Variants in AK4 observed in about 807,000 individuals in gnomAD.
AK4 encodes the protein adenylate kinase 4, mitochondrial.
Under a neutral mutation model 24.6 loss-of-function variants are expected in AK4, and 13 were observed. The ratio of observed to expected loss-of-function variants is 0.53; its 90% CI spans 0.34 to 0.84. The LOEUF is 0.84. AK4 is among the 40% of genes least tolerant of loss of function. The probability of loss-of-function intolerance (pLI) is 0.01; values close to 1 mark genes in which losing one functional copy is unlikely to be tolerated. For synonymous variants in AK4, 88 were observed against 107.0 expected (o/e 0.82, Z 1.10); for missense variants, 192 against 288.2 (o/e 0.67, Z 2.42).
chr1:65,176,701 CCT>C (rs1198831735), intron 1 of AK4, among the ~76,000 whole-genome samples: 1 of 152,122 alleles, frequency 6.6e-6, no homozygotes, highest in Non-Finnish European at 1.5e-5. Context: ...GAACGGTCTA[CCT>C]CTCTCTTGCA....
chr1:65,214,186 A>G lies in AK4; in HGVS notation c.266-4568A>G, dbSNP rs1185234434. Among the ~76,000 whole-genome samples, 3 of 152,156 alleles carry G rather than the reference A, an allele frequency of 2.0e-5. 1 individual carries two copies. Among genetic ancestry groups the G allele is most frequent in the South Asian group, 4.1e-4 (2 of 4,830 alleles). On this transcript the variant is annotated intron_variant, in intron 2 of 4. Coordinates refer to ENST00000327299, the MANE Select transcript of AK4 (RefSeq NM_013410.4). ...GAGTGTAGTGGCACGATCTCGGCTC[A>G]CTACAACTTCCACCTCCGGGTTCAA...
chr1:65,183,290 G>A (rs553117341), intron 1 of AK4, among the ~76,000 whole-genome samples: 4 of 151,358 alleles, frequency 2.6e-5, no homozygotes, highest in East Asian at 1.9e-4. Flanking sequence ...TTGCTCTGTC[G>A]CCCAAGCTGG....
intron 1 of AK4, among the ~76,000 whole-genome samples, chr1:65,166,761 T>C (rs1650343548): frequency 6.6e-6 from 1 of 152,182 alleles, no homozygotes; most frequent in Admixed American, 6.5e-5. Flanking sequence ...ACTCAAGCAG[T>C]TCTCCCACTT....
At chr1:65,172,033 C>T (rs1169804752) in intron 1 of AK4, among the ~76,000 whole-genome samples, 1 of 124,522 alleles carries the variant, frequency 8.0e-6, no homozygotes, top group Non-Finnish European at 1.7e-5. Flanking sequence ...TGCACTCCAA[C>T]CTGAGCAACA....
At chr1:65,171,039 C>T (rs1372900017) in intron 1 of AK4, among the ~76,000 whole-genome samples, 2 of 150,114 alleles carry the variant, frequency 1.3e-5, no homozygotes, top group African/African-American at 4.9e-5. Flanking sequence ...CTTACTGCTG[C>T]CTCCACCTGT....
At chr1:65,178,795 G>A (rs945383850) in intron 1 of AK4, among the ~76,000 whole-genome samples, 2 of 152,172 alleles carry the variant, frequency 1.3e-5, no homozygotes, top group Admixed American at 6.5e-5. Context: ...AACCACAGTC[G>A]CACTTGACTC....
At chr1:65,224,622 C>A in intron 3 of AK4, 130 bp from the exon 4 acceptor site, 1 of 687,544 alleles carries the variant, frequency 1.5e-6, no homozygotes, top group Non-Finnish European at 2.6e-6. Context: ...AAAATTACCA[C>A]TGTCACCAAG....
chr1:65,178,560 G>A (rs549646992), intron 1 of AK4, among the ~76,000 whole-genome samples: 2 of 152,162 alleles, frequency 1.3e-5, no homozygotes, highest in African/African-American at 2.4e-5. Flanking sequence ...ATTACAGAAG[G>A]GGGGATTAAC....
At chr1:65,205,385 C>A (rs1424055769) in intron 2 of AK4, among the ~76,000 whole-genome samples, 1 of 152,154 alleles carries the variant, frequency 6.6e-6, no homozygotes, top group Non-Finnish European at 1.5e-5. Context: ...CAGGTGTATG[C>A]TGCTGTGCCC....
intron 1 of AK4, among the ~76,000 whole-genome samples, chr1:65,163,922 G>A (rs898968644): frequency 6.6e-6 from 1 of 152,050 alleles, no homozygotes; most frequent in Non-Finnish European, 1.5e-5. Context: ...GGCAGAACTT[G>A]TTGAGCCAGA....
chr1:65,185,220 T>C (rs1230598057), intron 1 of AK4, among the ~76,000 whole-genome samples: 1 of 152,158 alleles, frequency 6.6e-6, no homozygotes, highest in Non-Finnish European at 1.5e-5. Context: ...CTGCGACCCA[T>C]GTAGGCACGT....
intron 1 of AK4, among the ~76,000 whole-genome samples, chr1:65,182,885 G>A (rs771429394): frequency 3.3e-5 from 5 of 152,164 alleles, no homozygotes; most frequent in Non-Finnish European, 5.9e-5. Context: ...TATTGGCAGT[G>A]TAAGAGCCTC....
intron 1 of AK4, among the ~76,000 whole-genome samples, chr1:65,152,340 CTCTCTCTCTCTCTCTCTCTCTATATA>C (rs1171548975): frequency 1.2e-4 from 5 of 42,016 alleles, no homozygotes; most frequent in African/African-American, 5.6e-4. Flanking sequence ...CTCTCTCTCT[CTCTCTCTCTCTCTCTCTCTCTATATA>C]TATATATATA....
intron 3 of AK4, among the ~76,000 whole-genome samples, chr1:65,220,101 T>A (rs1018355926): frequency 9.9e-5 from 15 of 152,274 alleles, no homozygotes; most frequent in African/African-American, 3.6e-4. Context: ...AAGTGAATAA[T>A]GTTCCATTGT....
At chr1:65,174,159 T>C (rs1262476644) in intron 1 of AK4, among the ~76,000 whole-genome samples, 2 of 152,114 alleles carry the variant, frequency 1.3e-5, no homozygotes, top group African/African-American at 4.8e-5. Flanking sequence ...AGTTTCCCTC[T>C]TCACCCTCAA....
intron 2 of AK4, among the ~76,000 whole-genome samples, chr1:65,216,622 A>G (rs1487796402): frequency 8.1e-6 from 1 of 123,170 alleles, no homozygotes; most frequent in African/African-American, 5.5e-5. Flanking sequence ...GGCTGTAGGT[A>G]CCTTTCTTTT....
chr1:65,170,674 G>A (rs1650488296), intron 1 of AK4, among the ~76,000 whole-genome samples: 1 of 152,150 alleles, frequency 6.6e-6, no homozygotes, highest in African/African-American at 2.4e-5. Context: ...CGGGAGCCAG[G>A]AACTCACTGT....
intron 2 of AK4, among the ~76,000 whole-genome samples, chr1:65,199,220 A>T (rs762068546): frequency 2.6e-5 from 4 of 152,076 alleles, no homozygotes; most frequent in Non-Finnish European, 5.9e-5. Flanking sequence ...TGCATGAAGG[A>T]TCAGCAGTTA....
At chr1:65,213,299 CTA>C (rs1652027194) in intron 2 of AK4, among the ~76,000 whole-genome samples, 1 of 152,090 alleles carries the variant, frequency 6.6e-6, no homozygotes. Context: ...AGGAGCTTTA[CTA>C]TTAAAGAGTC....
Sources: allele counts gnomAD v4.1 joint callset (sites outside exome capture counted in the v4.1 genomes callset), GRCh38; gene constraint gnomAD v4.1.1; transcripts MANE v1.5; gene names NCBI Gene and HGNC (gene_info 2026-07-23, HGNC 2026-07-21).